Variants in NLN observed in about 807,000 individuals in gnomAD.
NLN encodes the protein neurolysin, mitochondrial.
A neutral mutation model predicts 79.9 loss-of-function variants in NLN; 64 were observed. That is an observed-to-expected ratio of 0.80 (90% CI 0.65 to 0.99). The LOEUF (loss-of-function observed/expected upper bound fraction) is 0.99, where lower values mean the gene tolerates loss of function less well. Among genes scored for constraint, NLN ranks in the 50% least tolerant of loss-of-function variants. The pLI, the probability that NLN is intolerant of heterozygous loss-of-function variation, is 0.00. For missense variants in NLN, 835 were observed against 858.7 expected (o/e 0.97, Z 0.34); for synonymous variants, 267 against 296.6 (o/e 0.90, Z 1.02).
intron 1 of NLN, among the ~76,000 whole-genome samples, chr5:65,750,490 G>A (rs1361045353): frequency 6.6e-6 from 1 of 152,166 alleles, no homozygotes; most frequent in African/African-American, 2.4e-5. Context: ...AGGCCAAAGC[G>A]GGTGGATTGC....
At chr5:65,812,175 C>A in intron 11 of NLN, 80 bp from the exon 12 acceptor site, 1 of 1,259,472 alleles carries the variant, frequency 7.9e-7, no homozygotes, top group Non-Finnish European at 1.2e-6. Flanking sequence ...CTGGCCTCCT[C>A]AGAGGGAAAC....
chr5:65,784,931 G>A (rs1423552358), intron 6 of NLN, among the ~76,000 whole-genome samples: 1 of 152,120 alleles, frequency 6.6e-6, no homozygotes, highest in Non-Finnish European at 1.5e-5. Flanking sequence ...TAAAATATTT[G>A]TCTTTTTGTA....
chr5:65,809,386 T>A, intron 9 of NLN, 129 bp from the exon 10 acceptor site: 1 of 720,044 alleles, frequency 1.4e-6, no homozygotes, highest in Non-Finnish European at 2.3e-6. Context: ...ATGAGGTTAT[T>A]CTAACCCCTC....
At chr5:65,735,983 A>T (rs763525600) in intron 1 of NLN, among the ~76,000 whole-genome samples, 15 of 152,256 alleles carry the variant, frequency 9.9e-5, no homozygotes, top group Non-Finnish European at 1.6e-4. Context: ...ATATACGTAT[A>T]TACATGTGAC....
intron 1 of NLN, among the ~76,000 whole-genome samples, chr5:65,758,146 G>C (rs1437942782): frequency 6.6e-6 from 1 of 151,980 alleles, no homozygotes; most frequent in African/African-American, 2.4e-5. Context: ...TGGGGTGGGA[G>C]AAACACTTGA....
At chr5:65,800,133 A>T (rs2150768528) in intron 9 of NLN, among the ~76,000 whole-genome samples, 1 of 152,350 alleles carries the variant, frequency 6.6e-6, no homozygotes, top group East Asian at 1.9e-4. Context: ...GGGATTTGCT[A>T]TCATGGAAAT....
intron 3 of NLN, among the ~76,000 whole-genome samples, chr5:65,765,518 C>CA (rs1759433208): frequency 6.6e-6 from 1 of 151,124 alleles, no homozygotes; most frequent in Non-Finnish European, 1.5e-5. Flanking sequence ...AACTTCATCT[C>CA]AAAAAAATAA....
intron 7 of NLN, 51 bp from the exon 8 acceptor site, chr5:65,788,067 A>G (rs1759973760): frequency 1.9e-6 from 3 of 1,564,702 alleles, no homozygotes; most frequent in Non-Finnish European, 2.6e-6. Context: ...ATTTATGAGT[A>G]TGCTTGCTTC....
intron 8 of NLN, among the ~76,000 whole-genome samples, chr5:65,789,581 A>C (rs1301818511): frequency 2.6e-5 from 4 of 152,228 alleles, no homozygotes; most frequent in Non-Finnish European, 5.9e-5. Context: ...GTTCAAGATC[A>C]GCCTGGCCAA....
At chr5:65,804,185 C>A (rs1760355786) in intron 9 of NLN, among the ~76,000 whole-genome samples, 2 of 152,130 alleles carry the variant, frequency 1.3e-5, no homozygotes, top group Admixed American at 6.5e-5. Flanking sequence ...AGACAGTTAG[C>A]ATTTGTGGTT....
intron 12 of NLN, 133 bp downstream of exon 12, chr5:65,812,524 C>A: frequency 1.6e-6 from 1 of 621,308 alleles, no homozygotes; most frequent in South Asian, 2.1e-5. Context: ...TGAGGCCCTG[C>A]ATCTTTCAAA....
chr5:65,759,682 A>G (rs895212036), intron 2 of NLN, among the ~76,000 whole-genome samples: 10 of 152,122 alleles, frequency 6.6e-5, no homozygotes, highest in African/African-American at 2.4e-4. Context: ...TTTAGGCCCT[A>G]AACTGTTTGG....
chr5:65,782,483 TTA>T (rs1339409003), intron 6 of NLN, among the ~76,000 whole-genome samples: 2 of 152,210 alleles, frequency 1.3e-5, no homozygotes, highest in Non-Finnish European at 2.9e-5. Flanking sequence ...TTGCCAAATC[TTA>T]TATACTGTCT....
At chr5:65,810,243 T>C in intron 11 of NLN, 78 bp downstream of exon 11, 1 of 1,250,538 alleles carries the variant, frequency 8.0e-7, no homozygotes, top group Non-Finnish European at 1.2e-6. Flanking sequence ...GGAGATGGAG[T>C]TTGTCAGACA....
intron 7 of NLN, among the ~76,000 whole-genome samples, chr5:65,787,143 T>C (rs1052905603): frequency 7.2e-5 from 11 of 152,150 alleles, no homozygotes; most frequent in Non-Finnish European, 1.6e-4. Flanking sequence ...AAGTGTCCTC[T>C]TGAGAGGCTA....
intron 1 of NLN, chr5:65,733,725 TGC>T: frequency 8.3e-7 from 1 of 1,212,106 alleles, no homozygotes; most frequent in Non-Finnish European, 1.2e-6. Flanking sequence ...AGGACACAGG[TGC>T]TTTTTTTTTT....
chr5:65,793,398 A>T (rs1207807275), intron 9 of NLN: 1 of 153,586 alleles, frequency 6.5e-6, no homozygotes, highest in Non-Finnish European at 1.4e-5. Context: ...CTGTAATCCC[A>T]GCACTTTGGG....
intron 2 of NLN, among the ~76,000 whole-genome samples, chr5:65,760,569 A>G (rs549028230): frequency 9.3e-5 from 14 of 150,698 alleles, no homozygotes; most frequent in African/African-American, 3.1e-4. Flanking sequence ...CTGGAGTGCT[A>G]TGGCACAATC....
intron 4 of NLN, 147 bp downstream of exon 4, chr5:65,777,681 T>C (rs1257904020): frequency 3.3e-6 from 2 of 605,014 alleles, no homozygotes; most frequent in East Asian, 2.8e-5. Context: ...GAAATGCTCA[T>C]TGGAGCATTT....
Sources: gnomAD v4.1 joint callset for allele counts (sites outside exome capture counted in the v4.1 genomes callset) on GRCh38, gnomAD v4.1.1 for gene constraint, MANE v1.5 for transcripts, NCBI Gene and HGNC (gene_info 2026-07-23, HGNC 2026-07-21) for gene names.